Variants in AGBL4 observed in about 807,000 individuals in gnomAD.
The protein encoded by AGBL4 is cytosolic carboxypeptidase 6.
AGBL4 carries 58 observed loss-of-function variants against 66.4 expected under a neutral mutation model. That is an observed-to-expected ratio of 0.87 (90% CI 0.71 to 1.09). The LOEUF (loss-of-function observed/expected upper bound fraction) is 1.09. Ranked by LOEUF, AGBL4 falls within the 50% of genes least tolerant of loss-of-function variation. AGBL4 has a pLI of 0.00. For missense variants in AGBL4, 579 were observed against 631.0 expected (o/e 0.92, Z 0.88); for synonymous variants, 234 against 222.9 (o/e 1.05, Z -0.44).
chr1:49,321,843 G>A (rs1645138192), intron 3 of AGBL4, among the ~76,000 whole-genome samples: 1 of 152,150 alleles, frequency 6.6e-6, no homozygotes, highest in South Asian at 2.1e-4. Context: ...ATTATCGTTG[G>A]CCAATAACTT....
intron 4 of AGBL4, among the ~76,000 whole-genome samples, chr1:49,140,631 T>C (rs137986332): frequency 1.1e-3 from 161 of 152,342 alleles, no homozygotes; most frequent in African/African-American, 3.4e-3. Context: ...ACCAGGCCAG[T>C]TGACAAAATA....
intron 6 of AGBL4, among the ~76,000 whole-genome samples, chr1:48,801,246 C>T (rs1308716416): frequency 6.6e-6 from 1 of 152,210 alleles, no homozygotes; most frequent in Non-Finnish European, 1.5e-5. Flanking sequence ...TACAAGCCTC[C>T]TCACTGAGAA....
chr1:48,846,082 C>G (rs1024324493), intron 6 of AGBL4, among the ~76,000 whole-genome samples: 2 of 152,084 alleles, frequency 1.3e-5, no homozygotes, highest in African/African-American at 4.8e-5. Context: ...GGTATAAACT[C>G]TTCTGGTTAT....
chr1:48,890,751 C>G (rs1055195597), intron 5 of AGBL4, among the ~76,000 whole-genome samples: 42 of 152,196 alleles, frequency 2.8e-4, no homozygotes, highest in African/African-American at 1.0e-3. Flanking sequence ...TATTCTGTGG[C>G]AGCATCCCAG....
chr1:49,805,803 A>G (rs1644963901), intron 2 of AGBL4, among the ~76,000 whole-genome samples: 1 of 152,206 alleles, frequency 6.6e-6, no homozygotes, highest in Non-Finnish European at 1.5e-5. Context: ...CTAAGTGAGG[A>G]CACAGCGAGA....
At chr1:48,880,842 A>G (rs1438771315) in intron 5 of AGBL4, among the ~76,000 whole-genome samples, 1 of 152,172 alleles carries the variant, frequency 6.6e-6, no homozygotes, top group African/African-American at 2.4e-5. Context: ...CATTAATATG[A>G]TGTTGTGACT....
chr1:49,247,716 C>T (rs1651754608), intron 3 of AGBL4, among the ~76,000 whole-genome samples: 1 of 152,006 alleles, frequency 6.6e-6, no homozygotes, highest in African/African-American at 2.4e-5. Context: ...ATATGTGAAG[C>T]TGGAATAAAG....
intron 4 of AGBL4, among the ~76,000 whole-genome samples, chr1:49,236,844 CT>C (rs1650789632): frequency 6.6e-6 from 1 of 152,072 alleles, no homozygotes; most frequent in South Asian, 2.1e-4. Flanking sequence ...CAAATCTCCT[CT>C]TGAATTATAA....
intron 9 of AGBL4, among the ~76,000 whole-genome samples, chr1:48,602,630 G>A (rs1252788320): frequency 2.0e-5 from 3 of 152,120 alleles, no homozygotes; most frequent in Non-Finnish European, 4.4e-5. Context: ...AAGTGTTCGA[G>A]GGTGCCAACA....
intron 4 of AGBL4, among the ~76,000 whole-genome samples, chr1:49,240,798 C>T (rs1211781713): frequency 6.6e-6 from 1 of 151,842 alleles, no homozygotes; most frequent in Non-Finnish European, 1.5e-5. Flanking sequence ...ACCACACTAC[C>T]TACCTGACAT....
chr1:49,947,845 T>A (rs1431982071), intron 1 of AGBL4, among the ~76,000 whole-genome samples: 2 of 145,882 alleles, frequency 1.4e-5, no homozygotes, highest in South Asian at 2.1e-4. Flanking sequence ...TTCTTAAAAG[T>A]TTCTGGATAC....
At chr1:48,849,795 A>G (rs1285732532) in intron 6 of AGBL4, among the ~76,000 whole-genome samples, 1 of 152,186 alleles carries the variant, frequency 6.6e-6, no homozygotes, top group Non-Finnish European at 1.5e-5. Flanking sequence ...CAACATGGTG[A>G]AACCCTGTCT....
At chr1:49,723,350 G>A (rs372776583) in intron 2 of AGBL4, among the ~76,000 whole-genome samples, 4 of 152,052 alleles carry the variant, frequency 2.6e-5, no homozygotes, top group South Asian at 2.1e-4. Context: ...ACGCCAGCAA[G>A]CCTCCCATTC....
At chr1:49,841,994 C>T (rs866925271) in intron 2 of AGBL4, 7 of 467,394 alleles carry the variant, frequency 1.5e-5, no homozygotes, top group Non-Finnish European at 2.8e-5. Flanking sequence ...GTCTCCTCCT[C>T]ACACCCGGCC....
intron 3 of AGBL4, among the ~76,000 whole-genome samples, chr1:49,670,314 A>G (rs920737800): frequency 2.6e-5 from 4 of 152,160 alleles, no homozygotes; most frequent in Non-Finnish European, 5.9e-5. Flanking sequence ...GAAACAAAAA[A>G]ACAGCAACTT....
At chr1:49,653,649 AAC>A (rs1646054600) in intron 3 of AGBL4, among the ~76,000 whole-genome samples, 1 of 151,836 alleles carries the variant, frequency 6.6e-6, no homozygotes, top group African/African-American at 2.4e-5. Flanking sequence ...GGAGCTGAAA[AAC>A]ACAACATGAG....
At chr1:49,029,076 G>C (rs1663984663) in intron 5 of AGBL4, among the ~76,000 whole-genome samples, 1 of 152,054 alleles carries the variant, frequency 6.6e-6, no homozygotes, top group Admixed American at 6.6e-5. Flanking sequence ...ATGATAAAGG[G>C]CATCTATAAA....
intron 4 of AGBL4, among the ~76,000 whole-genome samples, chr1:49,072,556 G>A (rs1426506844): frequency 6.6e-6 from 1 of 152,200 alleles, no homozygotes; most frequent in African/African-American, 2.4e-5. Flanking sequence ...CTTTAGGAAT[G>A]TTGAATATTG....
At chr1:48,817,633 T>C in intron 6 of AGBL4, 1 of 187,814 alleles carries the variant, frequency 5.3e-6, no homozygotes, top group Non-Finnish European at 1.1e-5. Flanking sequence ...GCCACACTGA[T>C]GAGCTTGAGT....
Sources: allele counts gnomAD v4.1 joint callset (sites outside exome capture counted in the v4.1 genomes callset), GRCh38; gene constraint gnomAD v4.1.1; transcripts MANE v1.5; gene names NCBI Gene and HGNC (gene_info 2026-07-23, HGNC 2026-07-21).